GRM1: variants seen among roughly 807,000 people sequenced by gnomAD.
GRM1 encodes the protein glutamate metabotropic receptor 1.
In GRM1, 33 loss-of-function variants were observed where a neutral mutation model predicts 90.9. The ratio of observed to expected loss-of-function variants is 0.36; its 90% CI spans 0.28 to 0.49. GRM1 has a LOEUF of 0.49. Ranked by LOEUF, GRM1 falls within the 20% of genes least tolerant of loss-of-function variation. The pLI, the probability that GRM1 is intolerant of heterozygous loss-of-function variation, is 0.99. For missense variants in GRM1, 1,190 were observed against 1,534.3 expected, an observed-to-expected ratio of 0.78 and a Z score of 3.75; for synonymous variants, 700 against 613.2, an observed-to-expected ratio of 1.14 and a Z score of -2.09.
intron 5 of GRM1, among the ~76,000 whole-genome samples, chr6:146,364,242 A>G (rs1463359376): frequency 1.3e-5 from 2 of 152,174 alleles, no homozygotes; most frequent in Non-Finnish European, 2.9e-5. Flanking sequence ...ATATAGAAAT[A>G]GTTTCTTTCT....
At chr6:146,148,868 C>A (rs967456327) in intron 1 of GRM1, among the ~76,000 whole-genome samples, 1 of 152,080 alleles carries the variant, frequency 6.6e-6, no homozygotes, top group African/African-American at 2.4e-5. Context: ...TTGCTATATA[C>A]AACCTTCCTG....
At chr6:146,416,903 T>C (rs972355207) in intron 7 of GRM1, among the ~76,000 whole-genome samples, 6 of 152,178 alleles carry the variant, frequency 3.9e-5, no homozygotes, top group African/African-American at 1.4e-4. Context: ...CCCTGTGCCT[T>C]GTGTAGCCTA....
intron 1 of GRM1, among the ~76,000 whole-genome samples, chr6:146,127,805 A>T (rs1249541675): frequency 6.6e-6 from 1 of 152,152 alleles, no homozygotes; most frequent in Non-Finnish European, 1.5e-5. Context: ...ATTGATATGT[A>T]ACAAATCACT....
At chr6:146,349,706 A>G (rs1785325637) in intron 3 of GRM1, among the ~76,000 whole-genome samples, 2 of 152,304 alleles carry the variant, frequency 1.3e-5, no homozygotes, top group East Asian at 3.9e-4. Context: ...TTTTGTCTAC[A>G]TAATACCCCA....
intron 5 of GRM1, among the ~76,000 whole-genome samples, chr6:146,384,389 A>G (rs530776190): frequency 6.6e-6 from 1 of 152,208 alleles, no homozygotes; most frequent in South Asian, 2.1e-4. Context: ...ATTAAGTAAA[A>G]GCTCTTGGAA....
At chr6:146,358,195 C>G (rs1353391448) in intron 5 of GRM1, among the ~76,000 whole-genome samples, 1 of 152,042 alleles carries the variant, frequency 6.6e-6, no homozygotes, top group African/African-American at 2.4e-5. Context: ...CTACAAAAGA[C>G]AGCGTCCCCA....
chr6:146,401,083 T>C (rs2114591272), intron 7 of GRM1, among the ~76,000 whole-genome samples: 1 of 152,282 alleles, frequency 6.6e-6, no homozygotes, highest in Non-Finnish European at 1.5e-5. Flanking sequence ...GGTTTTTGTA[T>C]CTTTACTTTC....
intron 2 of GRM1, among the ~76,000 whole-genome samples, chr6:146,293,710 T>C (rs1325031997): frequency 6.6e-6 from 1 of 151,896 alleles, no homozygotes; most frequent in Non-Finnish European, 1.5e-5. Context: ...GAACACTTGT[T>C]AAACCATCTG....
rs534638689 is a variant in GRM1 at position 146,360,506 on chromosome 6, TA to T, written c.1602+2816del. 1.7e-3 allele frequency among the ~76,000 whole-genome samples: 260 copies of T among 152,178 alleles called. 3 individuals carry two copies. Among genetic ancestry groups the T allele is most frequent in the South Asian group, 6.2e-3 (30 of 4,824 alleles). On this transcript the variant is annotated intron_variant, in intron 5 of 7. Transcript: ENST00000282753. ...TAATAGAAGAAAATGGTCACAAAAGTAAAATGGGGTACTGAGGCAACTCAAA... is the reference window on the plus strand; with the variant it reads ...TAATAGAAGAAAATGGTCACAAAAGTAAATGGGGTACTGAGGCAACTCAAA...
At chr6:146,171,078 G>T (rs1778103979) in intron 2 of GRM1, among the ~76,000 whole-genome samples, 1 of 152,088 alleles carries the variant, frequency 6.6e-6, no homozygotes, top group Non-Finnish European at 1.5e-5. Flanking sequence ...GGCTCACTGA[G>T]ATTTGATGAC....
At chr6:146,071,300 C>T (rs551452901) in intron 1 of GRM1, among the ~76,000 whole-genome samples, 1 of 152,254 alleles carries the variant, frequency 6.6e-6, no homozygotes, top group South Asian at 2.1e-4. Context: ...TGCTGGGTTG[C>T]TACCCGCGGC....
chr6:146,178,051 T>G (rs1371492615), intron 2 of GRM1, among the ~76,000 whole-genome samples: 2 of 152,202 alleles, frequency 1.3e-5, no homozygotes, highest in South Asian at 2.1e-4. Flanking sequence ...GAATCAATAT[T>G]GATACTGCAT....
chr6:146,193,866 G>C lies in GRM1; in HGVS notation c.950+34269G>C, dbSNP rs370661678. 5.3e-5 allele frequency among the ~76,000 whole-genome samples: 8 copies of C among 152,054 alleles called. No individual in the cohort carries two copies. In the South Asian group the frequency reaches 8.3e-4, roughly 16 times the overall value. On this transcript the variant is annotated intron_variant, in intron 2 of 7. Coordinates refer to ENST00000282753, the MANE Select transcript of GRM1 (RefSeq NM_001278064.2). ...CCTGTCCCCTTTTAGTCTTGTGCTAGTATTTCTCTGGGGTACATACCTAGG... is the reference window on the plus strand; with the variant it reads ...CCTGTCCCCTTTTAGTCTTGTGCTACTATTTCTCTGGGGTACATACCTAGG...
Position 146,435,060 on chromosome 6 carries a change from C to G in GRM1, c.*264C>G. 3.4e-6 allele frequency: 2 copies of G among 584,166 alleles called. No homozygotes were observed. The highest frequency in any genetic ancestry group is 6.1e-6 in the Non-Finnish European group (2 of 327,370). 36.2% of individuals were successfully genotyped at this position (584,166 alleles called of 1,614,324 possible). Reference sequence around the variant, plus strand: ...GGGAAGAAAGGGAATTCTGACAAAGCACAATTCCATATGGTATGTAACTTT... The same window carrying G: ...GGGAAGAAAGGGAATTCTGACAAAGGACAATTCCATATGGTATGTAACTTT... On this transcript the variant is annotated 3_prime_UTR_variant, in exon 8 of 8. Transcript: ENST00000282753.
intron 3 of GRM1, among the ~76,000 whole-genome samples, chr6:146,350,923 G>A (rs1300693654): frequency 6.6e-6 from 1 of 152,060 alleles, no homozygotes; most frequent in Non-Finnish European, 1.5e-5. Context: ...CTTTAACCTA[G>A]CCTGGGTATT....
At chr6:146,411,176 A>C (rs1038366278) in intron 7 of GRM1, among the ~76,000 whole-genome samples, 3 of 152,100 alleles carry the variant, frequency 2.0e-5, no homozygotes, top group African/African-American at 7.2e-5. Context: ...GTGTTATGGG[A>C]GTGTTATTAG....
At chr6:146,329,169 C>T (rs1226753523) in intron 3 of GRM1, among the ~76,000 whole-genome samples, 26 of 152,120 alleles carry the variant, frequency 1.7e-4, no homozygotes. Context: ...ATACATTTTT[C>T]TATTGCCTCC....
At chr6:146,330,708 TA>T (rs1222179435) in intron 3 of GRM1, among the ~76,000 whole-genome samples, 3 of 152,198 alleles carry the variant, frequency 2.0e-5, no homozygotes, top group African/African-American at 7.2e-5. Flanking sequence ...TTAAATTCTT[TA>T]ATGTTTTGAG....
intron 5 of GRM1, among the ~76,000 whole-genome samples, chr6:146,386,411 G>C (rs1490877636): frequency 6.6e-6 from 1 of 151,994 alleles, no homozygotes; most frequent in African/African-American, 2.4e-5. Flanking sequence ...AGTTGCTCTT[G>C]AGTGAAATTG....
Sources: allele counts gnomAD v4.1 joint callset (sites outside exome capture counted in the v4.1 genomes callset), GRCh38; gene constraint gnomAD v4.1.1; transcripts MANE v1.5; gene names NCBI Gene and HGNC (gene_info 2026-07-23, HGNC 2026-07-21).